Variants in ELMO1 observed in about 807,000 individuals in gnomAD.
ELMO1 encodes the protein engulfment and cell motility protein 1.
A neutral mutation model predicts 98.9 loss-of-function variants in ELMO1; 26 were observed. The observed-to-expected ratio is 0.26, with a 90% CI of 0.19 to 0.36. The LOEUF (loss-of-function observed/expected upper bound fraction) is 0.36. Among genes scored for constraint, ELMO1 ranks in the 10% least tolerant of loss-of-function variants. ELMO1 has a pLI of 1.00. For synonymous variants in ELMO1, 346 were observed against 346.0 expected (o/e 1.00, Z 0.00); for missense variants, 627 against 935.2 (o/e 0.67, Z 4.30).
At position 36,855,153 on chromosome 7, in the gene ELMO1, C is replaced by T. The variant is rs760108428; in HGVS notation, c.*398G>A. 1.3e-4 allele frequency: 31 copies of T among 244,394 alleles called. No individual in the cohort carries two copies. The highest frequency in any genetic ancestry group is 1.5e-3 in the Middle Eastern group (1 of 672). The allele number at this position is 244,394 out of a possible 1,614,324, so 15.1% of individuals were successfully genotyped here. On this transcript the variant is annotated 3_prime_UTR_variant, in exon 22 of 22. Coordinates refer to ENST00000310758, the MANE Select transcript of ELMO1 (RefSeq NM_014800.11). The surrounding 1 kb of genome is among the most constrained non-coding windows in gnomAD (Gnocchi z 4.2). ...TAGGCCATTTCCTCCAGACAGGGGC[C>T]TTGGGGCACTGCCCTTGGTCTGGTG...
At chr7:36,955,801 A>G (rs1259376986) in intron 16 of ELMO1, among the ~76,000 whole-genome samples, 1 of 152,176 alleles carries the variant, frequency 6.6e-6, no homozygotes, top group Non-Finnish European at 1.5e-5. Context: ...CCTCTAGCCC[A>G]TTCCTATCCA....
intron 4 of ELMO1, among the ~76,000 whole-genome samples, chr7:37,282,569 G>T (rs546492069): frequency 3.3e-5 from 5 of 152,246 alleles, no homozygotes; most frequent in Middle Eastern, 6.8e-3. Flanking sequence ...CGGATCGACC[G>T]TTAAGGAAGC....
At chr7:37,011,456 C>T (rs370150485) in intron 16 of ELMO1, among the ~76,000 whole-genome samples, 7 of 152,290 alleles carry the variant, frequency 4.6e-5, no homozygotes, top group African/African-American at 1.7e-4. Flanking sequence ...AATGCTCATC[C>T]CCAGAGTCAG....
chr7:37,440,098 C>T (rs1016045729), intron 1 of ELMO1, among the ~76,000 whole-genome samples: 4 of 152,024 alleles, frequency 2.6e-5, no homozygotes, highest in Non-Finnish European at 2.9e-5. Context: ...GAGTAGTGGT[C>T]ACTTCCCAGA....
chr7:36,939,318 G>C (rs778840415), intron 16 of ELMO1, among the ~76,000 whole-genome samples: 4 of 148,764 alleles, frequency 2.7e-5, no homozygotes, highest in Non-Finnish European at 4.4e-5. Flanking sequence ...AGTCAGGCTG[G>C]GGGCTCAAGT....
Position 37,211,051 on chromosome 7 carries a change from A to G in ELMO1, c.1086+335T>C, listed in dbSNP as rs1233838220. ...ACTCAATAACCCAATAATAAGATCC[A>G]TCACTCATTTAAGGCAAACACAAAT... is the stretch of plus-strand genomic sequence containing the variant. On this transcript the variant is annotated intron_variant, in intron 13 of 21. Transcript: ENST00000310758. The G allele has an allele frequency of 5.3e-5, 12 of 227,452 alleles. No homozygotes were observed. The East Asian group carries it at 1.3e-3, about 24-fold the overall frequency. 14.1% of individuals were successfully genotyped at this position (227,452 alleles called of 1,614,324 possible).
At chr7:37,231,161 T>C (rs1471185841) in intron 8 of ELMO1, among the ~76,000 whole-genome samples, 1 of 152,136 alleles carries the variant, frequency 6.6e-6, no homozygotes, top group African/African-American at 2.4e-5. Flanking sequence ...TTCTGAGATG[T>C]GTTGAGAAGG....
At chr7:36,930,382 G>T (rs917987554) in intron 16 of ELMO1, among the ~76,000 whole-genome samples, 8 of 152,196 alleles carry the variant, frequency 5.3e-5, no homozygotes, top group Admixed American at 5.2e-4. Flanking sequence ...GCCTTTTTAA[G>T]ATAAAAAGAG....
At chr7:37,444,997 T>C (rs1805552853) in intron 1 of ELMO1, among the ~76,000 whole-genome samples, 1 of 152,256 alleles carries the variant, frequency 6.6e-6, no homozygotes, top group Non-Finnish European at 1.5e-5. Flanking sequence ...GTTAAAAATG[T>C]AGTTTTCCCC....
At chr7:37,430,780 CCA>C (rs777044338) in intron 1 of ELMO1, among the ~76,000 whole-genome samples, 12 of 152,210 alleles carry the variant, frequency 7.9e-5, no homozygotes, top group Non-Finnish European at 1.3e-4. Context: ...ATCTTGACAA[CCA>C]CACACTGGCA....
intron 1 of ELMO1, chr7:37,375,489 C>T (rs1802296840): frequency 1.3e-6 from 1 of 741,260 alleles, no homozygotes; most frequent in African/African-American, 1.7e-5. Context: ...AGGTATGATT[C>T]AAGCCCCGGC....
At chr7:37,100,688 C>T (rs546613276) in intron 14 of ELMO1, among the ~76,000 whole-genome samples, 4 of 152,328 alleles carry the variant, frequency 2.6e-5, no homozygotes, top group African/African-American at 7.2e-5. Context: ...GCTTCTCTTC[C>T]ACTGTGAACC....
chr7:37,058,163 T>G (rs1431009865), intron 15 of ELMO1, among the ~76,000 whole-genome samples: 1 of 152,202 alleles, frequency 6.6e-6, no homozygotes. Context: ...AGCAAGGTCT[T>G]CAGTCTAGAG....
intron 1 of ELMO1, among the ~76,000 whole-genome samples, chr7:37,404,930 T>C (rs1803692608): frequency 1.3e-5 from 2 of 152,226 alleles, no homozygotes; most frequent in African/African-American, 4.8e-5. Context: ...TTTTTAATTT[T>C]TTTCTGAATA....
intron 15 of ELMO1, among the ~76,000 whole-genome samples, chr7:37,044,253 C>T (rs1267019535): frequency 6.6e-6 from 1 of 152,118 alleles, no homozygotes; most frequent in African/African-American, 2.4e-5. Context: ...AATGGCCACT[C>T]CTCTCTTTCA....
chr7:37,210,332 A>C (rs1361123054), intron 13 of ELMO1, among the ~76,000 whole-genome samples: 1 of 152,178 alleles, frequency 6.6e-6, no homozygotes, highest in African/African-American at 2.4e-5. Flanking sequence ...AAATTGTATT[A>C]CATCTAAATA....
At chr7:37,015,726 G>A (rs532781845) in intron 15 of ELMO1, among the ~76,000 whole-genome samples, 7 of 152,326 alleles carry the variant, frequency 4.6e-5, no homozygotes, top group East Asian at 3.9e-4. Context: ...AGTTAACACC[G>A]ATATGGAGGG....
At chr7:37,138,400 G>C (rs1004883013) in intron 13 of ELMO1, among the ~76,000 whole-genome samples, 11 of 152,068 alleles carry the variant, frequency 7.2e-5, no homozygotes, top group South Asian at 4.1e-4. Context: ...TATTACAACT[G>C]ATACTAGAGA....
At chr7:37,269,821 T>A (rs1796464572) in intron 5 of ELMO1, 1 of 152,158 alleles carries the variant, frequency 6.6e-6, no homozygotes, top group Non-Finnish European at 1.5e-5. Context: ...TGAGGATCAT[T>A]ATCTCAAGAA....
Sources: gnomAD v4.1 joint callset for allele counts (sites outside exome capture counted in the v4.1 genomes callset) on GRCh38, gnomAD v4.1.1 for gene constraint, Gnocchi (gnomAD v3.1) non-coding constraint, MANE v1.5 for transcripts, NCBI Gene and HGNC (gene_info 2026-07-23, HGNC 2026-07-21) for gene names.